The following ERC1 variants were observed in gnomAD, a reference collection of about 807,000 sequenced individuals.
ERC1 encodes ELKS/RAB6-interacting/CAST family member 1.
In ERC1, 56 loss-of-function variants were observed where a neutral mutation model predicts 132.0. The observed-to-expected ratio is 0.42, with a 90% confidence interval of 0.34 to 0.53. The LOEUF is 0.53. ERC1 is among the 20% of genes least tolerant of loss of function. The pLI is 0.03. For missense variants in ERC1, 1,202 were observed against 1,349.9 expected (o/e 0.89, Z 1.72); for synonymous variants, 478 against 476.1 (o/e 1.00, Z -0.05).
chr12:1,438,619 G>A (rs1457309986), intron 17 of ERC1, among the ~76,000 whole-genome samples: 1 of 152,092 alleles, frequency 6.6e-6, no homozygotes, highest in Non-Finnish European at 1.5e-5. Flanking sequence ...AAGACAATAA[G>A]TCATCAATAA....
At chr12:1,384,137 G>A (rs1157325762) in intron 16 of ERC1, among the ~76,000 whole-genome samples, 1 of 152,170 alleles carries the variant, frequency 6.6e-6, no homozygotes, top group East Asian at 1.9e-4. Flanking sequence ...ATACTCTGTT[G>A]TAATAAATAG....
chr12:1,190,180 T>G, intron 12 of ERC1, 128 bp downstream of exon 12: 1 of 871,450 alleles, frequency 1.1e-6, no homozygotes, highest in Non-Finnish European at 2.0e-6. Flanking sequence ...TATTACTGTA[T>G]TAGCTGCCTT....
At chr12:1,051,317 TA>T (rs1294932776) in intron 2 of ERC1, among the ~76,000 whole-genome samples, 7 of 152,084 alleles carry the variant, frequency 4.6e-5, no homozygotes, top group Non-Finnish European at 8.8e-5. Flanking sequence ...ATTTAGAGGT[TA>T]AAAAGCATAT....
chr12:1,302,334 A>G (rs778111699), intron 15 of ERC1, among the ~76,000 whole-genome samples: 2 of 152,228 alleles, frequency 1.3e-5, no homozygotes, highest in Non-Finnish European at 2.9e-5. Context: ...GACTAGAGAT[A>G]GAAGGTAATT....
intron 1 of ERC1, among the ~76,000 whole-genome samples, chr12:1,023,680 A>G (rs1450628518): frequency 1.3e-5 from 2 of 152,190 alleles, no homozygotes; most frequent in African/African-American, 4.8e-5. Context: ...GTAGTGTGAG[A>G]ATAACATAGG....
At chr12:1,039,705 A>G (rs1346404996) in intron 2 of ERC1, among the ~76,000 whole-genome samples, 1 of 152,246 alleles carries the variant, frequency 6.6e-6, no homozygotes, top group Non-Finnish European at 1.5e-5. Flanking sequence ...TTATTTGAAT[A>G]AAAGTTTTTC....
chr12:1,373,556 T>C (rs191361792), intron 16 of ERC1, among the ~76,000 whole-genome samples: 3 of 152,032 alleles, frequency 2.0e-5, no homozygotes, highest in Admixed American at 6.6e-5. Context: ...CCAAGGCGGG[T>C]GGATCATGAG....
chr12:1,469,731 T>A (rs2093818928), intron 18 of ERC1, among the ~76,000 whole-genome samples: 1 of 152,224 alleles, frequency 6.6e-6, no homozygotes, highest in Non-Finnish European at 1.5e-5. Context: ...CAAAATTCTC[T>A]GAGCTTTAGG....
intron 12 of ERC1, chr12:1,204,541 G>A: frequency 6.3e-7 from 1 of 1,581,578 alleles, no homozygotes; most frequent in Non-Finnish European, 8.6e-7. Flanking sequence ...AAACAAAGAT[G>A]ATGTGATTGA....
chr12:1,484,509 C>G lies in ERC1; in HGVS notation c.3214-5584C>G, dbSNP rs564247359. 4.6e-5 allele frequency among the ~76,000 whole-genome samples: 7 copies of G among 152,254 alleles called. No individual in the cohort carries two copies. The South Asian group carries it at 1.5e-3, about 32-fold the overall frequency. ...TCCCACAGGTCGTTGCTCTGCTGTT[C>G]CCACTTCCCATGCCCTAGCCAACTC... On this transcript the variant is annotated intron_variant, in intron 18 of 18. Coordinates refer to ENST00000360905, the MANE Select transcript of ERC1 (RefSeq NM_178040.4).
At chr12:1,220,804 C>G (rs1958905774) in intron 12 of ERC1, among the ~76,000 whole-genome samples, 1 of 152,216 alleles carries the variant, frequency 6.6e-6, no homozygotes, top group East Asian at 1.9e-4. Flanking sequence ...CTAACCCTTG[C>G]TGGAGGCGGT....
intron 18 of ERC1, among the ~76,000 whole-genome samples, chr12:1,458,987 C>T (rs559475355): frequency 6.6e-6 from 1 of 152,290 alleles, no homozygotes; most frequent in African/African-American, 2.4e-5. Flanking sequence ...AATCCCAGAA[C>T]AGTTTTATAC....
intron 14 of ERC1, among the ~76,000 whole-genome samples, chr12:1,284,136 C>T (rs576145675): frequency 1.3e-5 from 2 of 152,154 alleles, no homozygotes; most frequent in South Asian, 2.1e-4. Flanking sequence ...CTAGCTCCCA[C>T]GTGTGAGTGA....
At chr12:1,439,718 T>C (rs1206444932) in intron 17 of ERC1, among the ~76,000 whole-genome samples, 2 of 152,220 alleles carry the variant, frequency 1.3e-5, no homozygotes, top group Non-Finnish European at 2.9e-5. Flanking sequence ...TGATTTTTAG[T>C]AGGACCCCTT....
chr12:1,485,481 G>A (rs1391393866), intron 18 of ERC1, among the ~76,000 whole-genome samples: 1 of 152,124 alleles, frequency 6.6e-6, no homozygotes, highest in Non-Finnish European at 1.5e-5. Context: ...GGGATTACAG[G>A]CGTGAGCCAC....
chr12:1,301,584 A>G (rs2080405679), intron 15 of ERC1, among the ~76,000 whole-genome samples: 2 of 152,146 alleles, frequency 1.3e-5, no homozygotes, highest in South Asian at 2.1e-4. Flanking sequence ...CAAATACCAC[A>G]TGTTCTTACA....
intron 7 of ERC1, among the ~76,000 whole-genome samples, chr12:1,124,171 G>C (rs1462125346): frequency 3.3e-5 from 5 of 152,138 alleles, no homozygotes; most frequent in Non-Finnish European, 1.5e-5. Context: ...CTAACATAGA[G>C]AATAAACAAT....
At chr12:1,287,309 A>G (rs2079100781) in intron 14 of ERC1, among the ~76,000 whole-genome samples, 1 of 152,254 alleles carries the variant, frequency 6.6e-6, no homozygotes, top group African/African-American at 2.4e-5. Context: ...TACAAAGTTT[A>G]TCAATCAGAT....
At chr12:1,036,528 C>T (rs1391642971) in intron 2 of ERC1, among the ~76,000 whole-genome samples, 1 of 151,778 alleles carries the variant, frequency 6.6e-6, no homozygotes, top group Non-Finnish European at 1.5e-5. Flanking sequence ...GTGCACGCCA[C>T]CACGCCCGGC....
Sources: gnomAD v4.1 joint callset for allele counts (sites outside exome capture counted in the v4.1 genomes callset) on GRCh38, gnomAD v4.1.1 for gene constraint, MANE v1.5 for transcripts, NCBI Gene and HGNC (gene_info 2026-07-23, HGNC 2026-07-21) for gene names.